Variants in PCM1 observed in about 807,000 individuals in gnomAD.
PCM1 encodes the protein pericentriolar material 1 protein.
PCM1 carries 157 observed loss-of-function variants against 241.9 expected under a neutral mutation model. The ratio of observed to expected loss-of-function variants is 0.65; its 90% CI spans 0.57 to 0.74. The LOEUF is 0.74. Among genes scored for constraint, PCM1 ranks in the 30% least tolerant of loss-of-function variants. The pLI, the probability that PCM1 is intolerant of heterozygous loss-of-function variation, is 0.00. For missense variants in PCM1, 3,478 were observed against 2,360.1 expected, an observed-to-expected ratio of 1.47 and a Z score of -9.81; for synonymous variants, 1,085 against 784.9, an observed-to-expected ratio of 1.38 and a Z score of -6.39.
intron 2 of PCM1, among the ~76,000 whole-genome samples, chr8:17,928,706 A>T (rs1169135448): frequency 7.3e-6 from 1 of 136,766 alleles, no homozygotes; most frequent in Non-Finnish European, 1.5e-5. Flanking sequence ...ATCTCCGCTC[A>T]CTGTAACCTC....
intron 2 of PCM1, among the ~76,000 whole-genome samples, chr8:17,932,277 T>A (rs927456913): frequency 1.2e-4 from 19 of 152,144 alleles, no homozygotes; most frequent in Non-Finnish European, 4.4e-5. Context: ...TATTTAAGGT[T>A]GTTTTCTTAG....
At chr8:17,923,398 G>A (rs750238674) in intron 1 of PCM1, among the ~76,000 whole-genome samples, 3 of 152,224 alleles carry the variant, frequency 2.0e-5, no homozygotes, top group Non-Finnish European at 2.9e-5. Context: ...GGATCCCCGG[G>A]TGAGCACCTC....
chr8:18,022,959 A>T (rs1030777797), intron 36 of PCM1, among the ~76,000 whole-genome samples: 2 of 152,182 alleles, frequency 1.3e-5, no homozygotes, highest in African/African-American at 4.8e-5. Context: ...TTATTTGGCG[A>T]TGGTACCCAT....
chr8:17,925,375 A>C (rs1372628802), intron 2 of PCM1: 1 of 152,214 alleles, frequency 6.6e-6, no homozygotes, highest in Non-Finnish European at 1.5e-5. Context: ...TCACTAGGAG[A>C]AGTTCAATAA....
chr8:18,027,768 C>A lies in PCM1; in HGVS notation c.*106C>A. The A allele has an allele frequency of 1.3e-6, 1 of 743,466 alleles. No homozygotes were observed. The highest frequency in any genetic ancestry group is 2.1e-6 in the Non-Finnish European group (1 of 476,330). 46.1% of individuals were successfully genotyped at this position (743,466 alleles called of 1,614,324 possible). On this transcript the variant is annotated 3_prime_UTR_variant, in exon 39 of 39. Coordinates refer to ENST00000325083, the MANE Select transcript of PCM1 (RefSeq NM_006197.4). ...TGTATAAAAATGTAAATTAGTTTGA[C>A]ACTGCTTTTTTGATAGGTGTGGTCA...
At chr8:18,019,166 G>A (rs566745140) in intron 36 of PCM1, among the ~76,000 whole-genome samples, 1 of 151,938 alleles carries the variant, frequency 6.6e-6, no homozygotes, top group Non-Finnish European at 1.5e-5. Flanking sequence ...ACAGGGGTTC[G>A]CTGAAGCTCT....
At chr8:17,939,103 T>C in intron 5 of PCM1, 94 bp downstream of exon 5, 1 of 1,242,078 alleles carries the variant, frequency 8.1e-7, no homozygotes, top group Non-Finnish European at 1.1e-6. Flanking sequence ...ACAGGAATTT[T>C]AGTTGGGTGG....
At chr8:18,027,479 T>C (rs575982444) in intron 38 of PCM1, among the ~76,000 whole-genome samples, 158 bp from the exon 39 acceptor site, 1 of 152,252 alleles carries the variant, frequency 6.6e-6, no homozygotes, top group African/African-American at 2.4e-5. Context: ...CTATTCTTTT[T>C]TTACTGTGTG....
intron 35 of PCM1, 121 bp from the exon 36 acceptor site, chr8:18,014,463 T>C (rs1564394457): frequency 1.3e-6 from 1 of 755,710 alleles, no homozygotes; most frequent in Non-Finnish European, 1.9e-6. Context: ...GTAGTTGCCT[T>C]TTCTTTTTGG....
chr8:17,973,375 A>G (rs2077488051), intron 23 of PCM1, among the ~76,000 whole-genome samples: 1 of 152,086 alleles, frequency 6.6e-6, no homozygotes, highest in African/African-American at 2.4e-5. Context: ...TATGTTTGCA[A>G]AGGATGGGCT....
Position 17,980,577 on chromosome 8 carries a change from T to C in PCM1, c.3944-14T>C. ...AGTTGCAACTGATAACAGTTGTCAC[T>C]TTTTTTACTCAAGGGTATGAAAGTG... is the stretch of plus-strand genomic sequence containing the variant. On this transcript the variant is annotated splice_polypyrimidine_tract_variant and intron_variant, in intron 23 of 38. Coordinates refer to ENST00000325083, the MANE Select transcript of PCM1 (RefSeq NM_006197.4). 6.4e-7 allele frequency: 1 copy of C among 1,557,130 alleles called. No individual in the cohort carries two copies. The highest frequency in any genetic ancestry group is 8.7e-7 in the Non-Finnish European group (1 of 1,154,100).
At chr8:18,024,640 T>G (rs2094026046) in intron 36 of PCM1, among the ~76,000 whole-genome samples, 1 of 152,192 alleles carries the variant, frequency 6.6e-6, no homozygotes, top group South Asian at 2.1e-4. Flanking sequence ...TAGTCAGGGA[T>G]CCTACTGAAT....
In PCM1 at chr8:17,947,233, G is replaced by C; in HGVS notation, c.831G>C (p.Lys277Asn). The C allele has an allele frequency of 6.2e-7, 1 of 1,610,844 alleles. No individual in the cohort carries two copies. Among genetic ancestry groups the C allele is most frequent in the Non-Finnish European group, 8.5e-7 (1 of 1,177,680 alleles). ...CTATGGAAGAGATAGAAAATTTGAA[G>C]AAACAACATGATTTATTAAAAAGAA... ...QEPMEEIENL[K>N]KQHDLLKRML... The change falls in exon 7 of 39, where the codon AAG (lysine) becomes AAC (asparagine). Residue 277 changes from lysine to asparagine, a missense_variant. Lys to Asn is a moderately conservative substitution (Grantham distance 94). Coordinates refer to ENST00000325083, the MANE Select transcript of PCM1 (RefSeq NM_006197.4).
intron 36 of PCM1, among the ~76,000 whole-genome samples, chr8:18,022,910 C>T (rs1446028907): frequency 6.6e-6 from 1 of 152,146 alleles, no homozygotes; most frequent in African/African-American, 2.4e-5. Flanking sequence ...TTTTTAAGAT[C>T]AGTATTCAGG....
At chr8:17,972,160 A>G (rs1432173025) in intron 22 of PCM1, among the ~76,000 whole-genome samples, 169 bp from the exon 23 acceptor site, 1 of 152,168 alleles carries the variant, frequency 6.6e-6, no homozygotes, top group Non-Finnish European at 1.5e-5. Flanking sequence ...TTACTACCTT[A>G]GCTTATGTGA....
intron 17 of PCM1, 121 bp from the exon 18 acceptor site, chr8:17,964,445 TAA>T (rs2074006460): frequency 1.5e-6 from 1 of 669,454 alleles, no homozygotes; most frequent in East Asian, 2.7e-5. Flanking sequence ...TTATTGTGAT[TAA>T]ATGAAATTTT....
At chr8:18,005,770 C>G (rs948757045) in intron 29 of PCM1, among the ~76,000 whole-genome samples, 1 of 151,982 alleles carries the variant, frequency 6.6e-6, no homozygotes, top group Non-Finnish European at 1.5e-5. Flanking sequence ...GGAGGTGTTA[C>G]TGGCATCTAG....
chr8:17,956,997 C>T (rs1054585931), intron 11 of PCM1, among the ~76,000 whole-genome samples: 2 of 152,108 alleles, frequency 1.3e-5, no homozygotes, highest in Non-Finnish European at 2.9e-5. Context: ...AGACTGAATT[C>T]GAGTAAATCA....
chr8:17,989,213 T>A (rs2083644790), intron 26 of PCM1, among the ~76,000 whole-genome samples: 1 of 151,990 alleles, frequency 6.6e-6, no homozygotes, highest in South Asian at 2.1e-4. Context: ...CTGGTTCCAT[T>A]TGTATGAAGT....
Sources: allele counts gnomAD v4.1 joint callset (sites outside exome capture counted in the v4.1 genomes callset), GRCh38; gene constraint gnomAD v4.1.1; transcripts MANE v1.5; gene names NCBI Gene and HGNC (gene_info 2026-07-23, HGNC 2026-07-21).